Variants in ARFGEF2 observed in about 807,000 individuals in gnomAD.
ARFGEF2 encodes ARF guanine nucleotide exchange factor 2.
Under a neutral mutation model 219.9 loss-of-function variants are expected in ARFGEF2, and 74 were observed. The ratio of observed to expected loss-of-function variants is 0.34; its 90% confidence interval spans 0.28 to 0.41. The LOEUF is 0.41. Among genes scored for constraint, ARFGEF2 ranks in the 10% least tolerant of loss-of-function variants. The pLI is 1.00. For synonymous variants in ARFGEF2, 733 were observed against 799.2 expected, an observed-to-expected ratio of 0.92 and a Z score of 1.40; for missense variants, 1,743 against 2,218.3, an observed-to-expected ratio of 0.79 and a Z score of 4.30.
In ARFGEF2 at chr20:49,018,941, G is replaced by GA. The variant is rs2091547347; in HGVS notation, c.4567_4568insA (p.Gly1523GlufsTer7). On this transcript the variant is annotated frameshift_variant, in exon 34 of 39. Coordinates refer to ENST00000371917, the MANE Select transcript of ARFGEF2 (RefSeq NM_006420.3). LOFTEE classifies it high-confidence loss of function. ...CATAGATAAAAATCCCTCTGAGAGG[G>GA]GACAGAGCCAGCTCTCTAACCCAAC... 1 of 1,613,908 alleles carries GA rather than the reference G, an allele frequency of 6.2e-7. No individual in the cohort carries two copies. The highest frequency in any genetic ancestry group is 8.5e-7 in the Non-Finnish European group (1 of 1,179,958).
chr20:48,949,579 C>A (rs1440373909), intron 3 of ARFGEF2, among the ~76,000 whole-genome samples: 1 of 152,162 alleles, frequency 6.6e-6, no homozygotes, highest in East Asian at 1.9e-4. Flanking sequence ...CCTTCAGTTA[C>A]TCCATCCAGT....
At chr20:49,023,799 A>G (rs1165845815) in intron 35 of ARFGEF2, among the ~76,000 whole-genome samples, 1 of 152,002 alleles carries the variant, frequency 6.6e-6, no homozygotes. Context: ...CGGCCTCCCA[A>G]AGTGCTGGGA....
intron 6 of ARFGEF2, among the ~76,000 whole-genome samples, chr20:48,963,234 C>T (rs182211719): frequency 6.8e-4 from 103 of 150,692 alleles, no homozygotes; most frequent in African/African-American, 2.2e-3. Context: ...GTTTACTTTA[C>T]GTAAGCTCTT....
intron 25 of ARFGEF2, 119 bp from the exon 26 acceptor site, chr20:49,004,951 A>T: frequency 1.8e-6 from 2 of 1,091,144 alleles, no homozygotes; most frequent in Non-Finnish European, 2.8e-6. Flanking sequence ...TTTTCTCCTT[A>T]GGTGTGTTTT....
intron 26 of ARFGEF2, among the ~76,000 whole-genome samples, chr20:49,007,722 C>T (rs921239085): frequency 1.3e-5 from 2 of 150,090 alleles, no homozygotes; most frequent in Admixed American, 6.7e-5. Context: ...CTCCTAGTGT[C>T]TGTATGTCTG....
Position 49,002,386 on chromosome 20 carries a change from C to G in ARFGEF2, c.3433-2684C>G, listed in dbSNP as rs1379511594. 3.9e-5 allele frequency among the ~76,000 whole-genome samples: 6 copies of G among 152,230 alleles called. No homozygotes were observed. In the South Asian group the frequency reaches 1.2e-3, roughly 32 times the overall value. On this transcript the variant is annotated intron_variant, in intron 25 of 38. Transcript: ENST00000371917. ...ATCTTGCAAAACTAAAACTGCATAC[C>G]CATTAAACAGTAACTCCCACTTTCA...
At position 48,985,481 on chromosome 20, in the gene ARFGEF2, T is replaced by G. The variant is rs2091321818; in HGVS notation, c.2144T>G (p.Leu715Arg). Residue 715 changes from leucine (L) to arginine (R), a missense_variant, in exon 16 of 39, where the codon CTT (leucine) becomes CGT (arginine). Coordinates refer to ENST00000371917, the MANE Select transcript of ARFGEF2 (RefSeq NM_006420.3). ...GTGATGTATGCCTACGTGGACCAACTTGACTTCTGTGAAAAAGAATTTGTC... is the reference window on the plus strand; with the variant it reads ...GTGATGTATGCCTACGTGGACCAACGTGACTTCTGTGAAAAAGAATTTGTC... The part of the protein sequence containing the change: ...KEVMYAYVDQ[L>R]DFCEKEFVSA... 1.2e-6 allele frequency: 2 copies of G among 1,614,246 alleles called. No homozygotes were observed. Among genetic ancestry groups the G allele is most frequent in the Non-Finnish European group, 1.7e-6 (2 of 1,180,046 alleles).
intron 1 of ARFGEF2, among the ~76,000 whole-genome samples, chr20:48,936,054 G>C (rs2090951152): frequency 6.9e-6 from 1 of 144,740 alleles, no homozygotes; most frequent in Admixed American, 6.8e-5. Context: ...TTCCCGCATG[G>C]GGCGGCTGGC....
intron 33 of ARFGEF2, 87 bp from the exon 34 acceptor site, chr20:49,018,797 G>T (rs371480999): frequency 2.9e-6 from 3 of 1,036,098 alleles, no homozygotes; most frequent in Non-Finnish European, 4.5e-6. Flanking sequence ...AATACAGGCT[G>T]GACCAGCCGT....
intron 9 of ARFGEF2, among the ~76,000 whole-genome samples, 197 bp from the exon 10 acceptor site, chr20:48,970,923 G>A (rs887011699): frequency 6.6e-6 from 1 of 152,170 alleles, no homozygotes; most frequent in Non-Finnish European, 1.5e-5. Context: ...AATAGGAGTT[G>A]GCAGCTCTTG....
At position 49,018,920 on chromosome 20, in the gene ARFGEF2, G is replaced by C. The variant is rs1225200167; in HGVS notation, c.4546G>C (p.Asp1516His). The C allele has an allele frequency of 6.2e-7, 1 of 1,614,018 alleles. No individual in the cohort carries two copies. The highest frequency in any genetic ancestry group is 8.5e-7 in the Non-Finnish European group (1 of 1,179,930). The change falls in exon 34 of 39, where the codon GAT (aspartate) becomes CAT (histidine). Residue 1516 changes from aspartate (D) to histidine (H), a missense_variant. By Grantham distance (81) the Asp-to-His change is moderately conservative. Around this residue, in one of 5 missense-constraint regions of ARFGEF2, gnomAD observed 578 missense variants for 664.0 expected, o/e 0.87. Coordinates refer to ENST00000371917, the MANE Select transcript of ARFGEF2 (RefSeq NM_006420.3). ...DLDRQSLSSI[D>H]KNPSERGQSQ... ...GGACCGCCAGTCTTTAAGCAGCATA[G>C]ATAAAAATCCCTCTGAGAGGGGACA... is the stretch of plus-strand genomic sequence containing the variant.
intron 15 of ARFGEF2, 64 bp downstream of exon 15, chr20:48,984,904 T>G: frequency 6.2e-7 from 1 of 1,611,070 alleles, no homozygotes; most frequent in East Asian, 2.2e-5. Context: ...CCCTTACCAG[T>G]TTTAACCTCG....
chr20:49,012,034 G>A lies in ARFGEF2; in HGVS notation c.3868G>A (p.Ala1290Thr). 6.2e-7 allele frequency: 1 copy of A among 1,614,254 alleles called. No homozygotes were observed. Among genetic ancestry groups the A allele is most frequent in the Non-Finnish European group, 8.5e-7 (1 of 1,180,054 alleles). The change falls in exon 28 of 39, where the codon GCG becomes ACG. Residue 1290 changes from alanine (A) to threonine (T), a missense_variant. By Grantham distance (58) the Ala-to-Thr change is moderately conservative. Coordinates refer to ENST00000371917, the MANE Select transcript of ARFGEF2 (RefSeq NM_006420.3). Reference sequence around the variant, plus strand: ...CGCTTTCCCTGACACGAGCATGGAAGCGATTCGGCTCATCCGCTTCTGTGG... The same window carrying A: ...CGCTTTCCCTGACACGAGCATGGAAACGATTCGGCTCATCCGCTTCTGTGG... ...NAAFPDTSME[A>T]IRLIRFCGKY...
At chr20:49,023,633 G>T (rs1280820626) in intron 35 of ARFGEF2, among the ~76,000 whole-genome samples, 1 of 150,884 alleles carries the variant, frequency 6.6e-6, no homozygotes, top group Admixed American at 6.6e-5. Flanking sequence ...CCGCCTCCTG[G>T]GTTCACGCCA....
chr20:48,995,433 G>C (rs774064442), intron 22 of ARFGEF2, among the ~76,000 whole-genome samples: 1 of 152,166 alleles, frequency 6.6e-6, no homozygotes, highest in African/African-American at 2.4e-5. Flanking sequence ...AGCACACCAA[G>C]CATTCAGCAG....
chr20:49,025,381 C>T lies in ARFGEF2; in HGVS notation c.4824C>T (p.Ser1608=). ...EDQGMYKYMS[S]QHLFKLLDCL... ...AGGGCATGTATAAGTACATGTCTTC[C>T]CAGCACCTCTTCAAGCTGTTGGACT... The change falls in exon 36 of 39, where the codon TCC becomes TCT. Residue 1608 remains serine (S), a synonymous_variant. Transcript: ENST00000371917. 3 of 1,614,038 alleles carry T rather than the reference C, an allele frequency of 1.9e-6. No individual in the cohort carries two copies. The highest frequency in any genetic ancestry group is 2.5e-6 in the Non-Finnish European group (3 of 1,179,984).
chr20:48,922,574 C>T (rs564258844), intron 1 of ARFGEF2, among the ~76,000 whole-genome samples: 2 of 152,350 alleles, frequency 1.3e-5, no homozygotes, highest in Non-Finnish European at 2.9e-5. Flanking sequence ...TTATTCCTAG[C>T]AGTCCACTAA....
intron 2 of ARFGEF2, among the ~76,000 whole-genome samples, chr20:48,941,460 G>A (rs1212430679): frequency 1.3e-5 from 2 of 152,188 alleles, no homozygotes; most frequent in East Asian, 1.9e-4. Context: ...GATCAAGATC[G>A]AGGTAATGCT....
At chr20:48,955,849 G>A (rs1364914185) in intron 6 of ARFGEF2, among the ~76,000 whole-genome samples, 1 of 152,182 alleles carries the variant, frequency 6.6e-6, no homozygotes, top group African/African-American at 2.4e-5. Context: ...GAGGCAAGAG[G>A]ATCACTTGAG....
Sources: gnomAD v4.1 joint callset for allele counts (sites outside exome capture counted in the v4.1 genomes callset) on GRCh38, gnomAD v4.1.1 for gene constraint, gnomAD v4.1.1 regional missense constraint, MANE v1.5 for transcripts, NCBI Gene and HGNC (gene_info 2026-07-23, HGNC 2026-07-21) for gene names.